The following NALF1 variants were observed in gnomAD, a reference collection of about 807,000 sequenced individuals.
NALF1 encodes the protein NALCN channel auxiliary factor 1.
Under a neutral mutation model 48.4 loss-of-function variants are expected in NALF1, and 3 were observed. That is an observed-to-expected ratio of 0.06 (90% CI 0.03 to 0.16). NALF1 has a LOEUF of 0.16. Among genes scored for constraint, NALF1 ranks in the 10% least tolerant of loss-of-function variants. The pLI, the probability that NALF1 is intolerant of heterozygous loss-of-function variation, is 1.00. For missense variants in NALF1, 526 were observed against 571.5 expected, an observed-to-expected ratio of 0.92 and a Z score of 0.81; for synonymous variants, 262 against 245.7, an observed-to-expected ratio of 1.07 and a Z score of -0.62.
rs561106153 is a variant in NALF1, at chr13:107,312,019, C to T, written c.916-101264G>A. ...CATTGTGGAAGTCAGTATGGCGATT[C>T]CTCAGGGATCTAGAACTAGAAATAC... On this transcript the variant is annotated intron_variant, in intron 1 of 2. Coordinates refer to ENST00000375915, the MANE Select transcript of NALF1 (RefSeq NM_001080396.3). 3.3e-5 allele frequency among the ~76,000 whole-genome samples: 5 copies of T among 152,266 alleles called. No homozygotes were observed. The South Asian group carries it at 1.0e-3, about 32-fold the overall frequency.
At chr13:107,675,925 G>C (rs1881109166) in intron 1 of NALF1, among the ~76,000 whole-genome samples, 1 of 152,126 alleles carries the variant, frequency 6.6e-6, no homozygotes, top group Non-Finnish European at 1.5e-5. Flanking sequence ...CCTTCTCAGA[G>C]TGAGGAGCCA....
intron 1 of NALF1, among the ~76,000 whole-genome samples, chr13:107,676,826 CTATT>C: frequency 6.6e-6 from 1 of 152,010 alleles, no homozygotes; most frequent in Non-Finnish European, 1.5e-5. Flanking sequence ...GCCTACAAAA[CTATT>C]TGACTTTAAA....
chr13:107,827,686 C>A (rs1879561865), intron 1 of NALF1, among the ~76,000 whole-genome samples: 1 of 152,166 alleles, frequency 6.6e-6, no homozygotes, highest in African/African-American at 2.4e-5. Context: ...TAGATATAAT[C>A]TTTGCCCCAC....
At chr13:107,656,803 A>C (rs1285385387) in intron 1 of NALF1, among the ~76,000 whole-genome samples, 1 of 152,206 alleles carries the variant, frequency 6.6e-6, no homozygotes, top group African/African-American at 2.4e-5. Flanking sequence ...TGTTATACAC[A>C]CCATGGAATA....
intron 1 of NALF1, among the ~76,000 whole-genome samples, chr13:107,693,667 T>C (rs554570323): frequency 1.3e-5 from 2 of 152,174 alleles, no homozygotes; most frequent in South Asian, 4.1e-4. Flanking sequence ...TTCATTATTG[T>C]TGCTTATTTA....
intron 1 of NALF1, among the ~76,000 whole-genome samples, chr13:107,258,058 G>T (rs759309728): frequency 2.6e-5 from 4 of 152,196 alleles, no homozygotes; most frequent in Non-Finnish European, 5.9e-5. Context: ...TTGAATGGGA[G>T]TAGCTTTGGG....
In NALF1 at chr13:107,841,938, A is replaced by G. The variant is rs1457088846; in HGVS notation, c.915+23744T>C. On this transcript the variant is annotated intron_variant, in intron 1 of 2. Transcript: ENST00000375915. Reference sequence around the variant, plus strand: ...TATTTTAGAAATAGACAATATGTAGATAAAATATTAATGAGTAGCCACATA... The same window carrying G: ...TATTTTAGAAATAGACAATATGTAGGTAAAATATTAATGAGTAGCCACATA... Among the ~76,000 whole-genome samples the G allele has an allele frequency of 2.0e-5, 3 of 152,074 alleles. No homozygotes were observed. In the East Asian group the frequency reaches 5.8e-4, roughly 29 times the overall value.
rs200062241 is a variant in NALF1 at position 107,851,356 on chromosome 13, C to CT, written c.915+14325dup. On this transcript the variant is annotated intron_variant, in intron 1 of 2. Coordinates refer to ENST00000375915, the MANE Select transcript of NALF1 (RefSeq NM_001080396.3). ...CAGATGAACAGTTTTTTTTTTTTTT[C>CT]TTTAAGTGGCCAGATTAAGGAGACA... 4.4e-3 allele frequency among the ~76,000 whole-genome samples: 618 copies of CT among 141,624 alleles called. 3 individuals carry two copies. Among genetic ancestry groups the CT allele is most frequent in the African/African-American group, 0.015 (556 of 37,144 alleles). 92.9% of individuals were successfully genotyped at this position (141,624 alleles called of 152,430 possible).
rs1876022494 is a variant in NALF1 at position 107,722,735 on chromosome 13, C to T, written c.915+142947G>A. On this transcript the variant is annotated intron_variant, in intron 1 of 2. Coordinates refer to ENST00000375915, the MANE Select transcript of NALF1 (RefSeq NM_001080396.3). ...GCACCTCTCCACCCCTCATTTCCAT[C>T]TGTAAAATGGAAGTAATCAAATGTG... Among the ~76,000 whole-genome samples the T allele has an allele frequency of 2.0e-5, 3 of 152,162 alleles. No individual in the cohort carries two copies. The South Asian group carries it at 6.2e-4, about 32-fold the overall frequency.
chr13:107,379,902 A>T (rs1272367878), intron 1 of NALF1, among the ~76,000 whole-genome samples: 1 of 152,206 alleles, frequency 6.6e-6, no homozygotes, highest in African/African-American at 2.4e-5. Context: ...GAAAAGTCTC[A>T]CTGTTAAATC....
intron 1 of NALF1, among the ~76,000 whole-genome samples, chr13:107,795,683 C>T (rs1333221598): frequency 1.3e-5 from 2 of 152,082 alleles, no homozygotes; most frequent in South Asian, 4.1e-4. Flanking sequence ...CTTAATAATA[C>T]TATAGTTTAT....
At chr13:107,850,670 A>G (rs1445359680) in intron 1 of NALF1, among the ~76,000 whole-genome samples, 1 of 152,220 alleles carries the variant, frequency 6.6e-6, no homozygotes, top group Non-Finnish European at 1.5e-5. Context: ...TGGGAGGCCA[A>G]GGTGGGTGGA....
At chr13:107,241,100 A>G (rs1392857569) in intron 1 of NALF1, among the ~76,000 whole-genome samples, 1 of 147,620 alleles carries the variant, frequency 6.8e-6, no homozygotes, top group Admixed American at 6.7e-5. Context: ...AGGCTGAGGC[A>G]GGAGAATTGC....
At chr13:107,358,569 C>T (rs59025691) in intron 1 of NALF1, among the ~76,000 whole-genome samples, 4,245 of 152,052 alleles carry the variant, frequency 0.028, 197 homozygotes, top group African/African-American at 0.095. Context: ...TTGTGTAAGA[C>T]GGGTTAAAGA....
chr13:107,525,769 G>T (rs190736111), intron 1 of NALF1, among the ~76,000 whole-genome samples: 31 of 152,114 alleles, frequency 2.0e-4, no homozygotes, highest in African/African-American at 7.0e-4. Flanking sequence ...CTAATGCTCT[G>T]CACATTTACC....
At chr13:107,653,631 T>C (rs1355718809) in intron 1 of NALF1, among the ~76,000 whole-genome samples, 1 of 152,014 alleles carries the variant, frequency 6.6e-6, no homozygotes, top group African/African-American at 2.4e-5. Context: ...TCTCTACTTC[T>C]ACCACGGTGC....
intron 1 of NALF1, among the ~76,000 whole-genome samples, chr13:107,282,786 G>T (rs1881414745): frequency 6.6e-6 from 1 of 152,186 alleles, no homozygotes; most frequent in African/African-American, 2.4e-5. Flanking sequence ...GTTTTGAGGG[G>T]ACTGAACCTC....
intron 1 of NALF1, among the ~76,000 whole-genome samples, chr13:107,259,163 T>C (rs1334054737): frequency 1.3e-5 from 2 of 152,190 alleles, no homozygotes; most frequent in Admixed American, 6.5e-5. Context: ...CCTGGCCACG[T>C]GTGCCTTTTC....
chr13:107,828,719 T>C (rs1215420449), intron 1 of NALF1, among the ~76,000 whole-genome samples: 2 of 152,232 alleles, frequency 1.3e-5, no homozygotes, highest in Non-Finnish European at 2.9e-5. Flanking sequence ...TCAGAGAAGA[T>C]ATATTTCTGC....
Sources: gnomAD v4.1 joint callset for allele counts (sites outside exome capture counted in the v4.1 genomes callset) on GRCh38, gnomAD v4.1.1 for gene constraint, MANE v1.5 for transcripts, NCBI Gene and HGNC (gene_info 2026-07-23, HGNC 2026-07-21) for gene names.